The following SMIM36 variants were observed in gnomAD, a reference collection of about 807,000 sequenced individuals.
The protein encoded by SMIM36 is small integral membrane protein 36.
chr17:55,507,397 C>T (rs1372882430), intron 1 of SMIM36, among the ~76,000 whole-genome samples: 2 of 135,756 alleles, frequency 1.5e-5, no homozygotes, highest in Non-Finnish European at 3.1e-5. Context: ...ACTATGCAGC[C>T]ATAAAAAATG....
rs1359583062 is a variant in SMIM36 at position 55,458,649 on chromosome 17, G to A, written c.*532-8351C>T. On this transcript the variant is annotated intron_variant, in intron 4 of 4. Transcript: ENST00000636752. ...AGCACGTCGGCTGAAGAAGACACAAGCAGCTGGTCGTTGAGAAGAGCTCGC... is the reference window on the plus strand; with the variant it reads ...AGCACGTCGGCTGAAGAAGACACAAACAGCTGGTCGTTGAGAAGAGCTCGC... Among the ~76,000 whole-genome samples, 3 of 148,924 alleles carry A rather than the reference G, an allele frequency of 2.0e-5. No homozygotes were observed. In the Admixed American group the frequency reaches 2.0e-4, roughly 10 times the overall value.
chr17:55,528,644 C>T, the SMIM36 span, among the ~76,000 whole-genome samples: 4 of 151,570 alleles, frequency 2.6e-5, no homozygotes, highest in Non-Finnish European at 5.9e-5. Context: ...TCTCTGCCTC[C>T]CGGGTTCAAG....
At chr17:55,470,412 G>C (rs1305716270) in intron 3 of SMIM36, among the ~76,000 whole-genome samples, 1 of 151,986 alleles carries the variant, frequency 6.6e-6, no homozygotes, top group Non-Finnish European at 1.5e-5. Flanking sequence ...CTTCTTAATC[G>C]ATACAGAGGC....
chr17:55,509,625 C>A (rs185611322), intron 1 of SMIM36, among the ~76,000 whole-genome samples: 8 of 152,172 alleles, frequency 5.3e-5, no homozygotes, highest in Admixed American at 5.2e-4. Flanking sequence ...TTCTGTTGGG[C>A]GGCAAAGATC....
the SMIM36 span, among the ~76,000 whole-genome samples, chr17:55,522,694 C>A: frequency 2.0e-5 from 3 of 152,276 alleles, no homozygotes; most frequent in East Asian, 5.8e-4. Context: ...GGGGACACAG[C>A]CAAATCATGT....
At chr17:55,499,684 A>G (rs1396910103) in intron 1 of SMIM36, among the ~76,000 whole-genome samples, 1 of 152,204 alleles carries the variant, frequency 6.6e-6, no homozygotes, top group African/African-American at 2.4e-5. Context: ...GCATGATAGA[A>G]GAGTAATGAA....
chr17:55,452,102 CAAAA>C (rs1156887430), intron 4 of SMIM36, among the ~76,000 whole-genome samples: 5 of 51,766 alleles, frequency 9.7e-5, no homozygotes, highest in East Asian at 1.4e-3. Flanking sequence ...TCAATCTCTA[CAAAA>C]AAAAAAAAAA....
chr17:55,523,252 C>T, the SMIM36 span, among the ~76,000 whole-genome samples: 1 of 152,110 alleles, frequency 6.6e-6, no homozygotes, highest in Non-Finnish European at 1.5e-5. Context: ...ACATGAGGGG[C>T]TGGGTGTGGT....
the SMIM36 span, among the ~76,000 whole-genome samples, chr17:55,529,272 A>G: frequency 6.6e-6 from 1 of 152,216 alleles, no homozygotes; most frequent in South Asian, 2.1e-4. Context: ...TTTTACAAAT[A>G]AGCAGCCAAA....
intron 1 of SMIM36, among the ~76,000 whole-genome samples, chr17:55,507,969 G>C (rs559717286): frequency 4.9e-4 from 74 of 152,212 alleles, no homozygotes; most frequent in Admixed American, 1.2e-3. Flanking sequence ...CAAGGCACTG[G>C]AGAAACCCTG....
At chr17:55,500,619 C>T (rs987701164) in intron 1 of SMIM36, among the ~76,000 whole-genome samples, 3 of 149,820 alleles carry the variant, frequency 2.0e-5, no homozygotes, top group Admixed American at 6.8e-5. Flanking sequence ...TTAGTTTTTT[C>T]CGAGAGAGAA....
intron 1 of SMIM36, among the ~76,000 whole-genome samples, chr17:55,509,517 T>C (rs535474739): frequency 6.6e-6 from 1 of 152,336 alleles, no homozygotes; most frequent in South Asian, 2.1e-4. Flanking sequence ...CAGACACTCG[T>C]GTCTCTGTTG....
At chr17:55,499,122 C>T (rs1339690133) in intron 1 of SMIM36, among the ~76,000 whole-genome samples, 1 of 151,874 alleles carries the variant, frequency 6.6e-6, no homozygotes, top group Non-Finnish European at 1.5e-5. Context: ...CTTAGTCCAA[C>T]TCTGTCCTGG....
chr17:55,493,080 C>T (rs1203241727), intron 1 of SMIM36, among the ~76,000 whole-genome samples: 2 of 152,206 alleles, frequency 1.3e-5, no homozygotes, highest in African/African-American at 4.8e-5. Context: ...GCCTCAGCCC[C>T]CTGTTAAGCT....
chr17:55,516,108 G>A (rs1437650444), upstream of SMIM36, among the ~76,000 whole-genome samples: 1 of 152,194 alleles, frequency 6.6e-6, no homozygotes, highest in African/African-American at 2.4e-5. Context: ...CACTTGGCTG[G>A]AAGCCCCTGA....
chr17:55,501,425 ATAT>A (rs1339898368), intron 1 of SMIM36, among the ~76,000 whole-genome samples: 2 of 46,628 alleles, frequency 4.3e-5, no homozygotes, highest in South Asian at 6.3e-4. Flanking sequence ...AAAATATAAT[ATAT>A]TATTATATAT....
At chr17:55,510,717 A>G (rs1202445029) in intron 1 of SMIM36, among the ~76,000 whole-genome samples, 162 bp downstream of exon 1, 1 of 151,980 alleles carries the variant, frequency 6.6e-6, no homozygotes, top group East Asian at 1.9e-4. Context: ...GTGCACACAC[A>G]CACACACACA....
intron 4 of SMIM36, among the ~76,000 whole-genome samples, chr17:55,454,694 A>G (rs1428783650): frequency 6.6e-6 from 1 of 152,214 alleles, no homozygotes; most frequent in Non-Finnish European, 1.5e-5. Context: ...TATGCTTACA[A>G]TACATTTTTA....
the SMIM36 span, among the ~76,000 whole-genome samples, chr17:55,525,655 A>C: frequency 1.3e-5 from 2 of 152,140 alleles, no homozygotes; most frequent in African/African-American, 4.8e-5. Context: ...AAAGTGTGAT[A>C]GACATTTATT....
Sources: gnomAD v4.1 joint callset for allele counts (sites outside exome capture counted in the v4.1 genomes callset) on GRCh38, gnomAD v4.1.1 for gene constraint, MANE v1.5 for transcripts, NCBI Gene and HGNC (gene_info 2026-07-23, HGNC 2026-07-21) for gene names.